Variants in PIK3R6 observed in about 807,000 individuals in gnomAD.
The protein encoded by PIK3R6 is phosphoinositide-3-kinase regulatory subunit 6.
In PIK3R6, 91 loss-of-function variants were observed where a neutral mutation model predicts 84.9. That is an observed-to-expected ratio of 1.07 (90% CI 0.90 to 1.28). The LOEUF is 1.28. PIK3R6 is among the 50% of genes most tolerant of loss of function. The pLI is 0.00. For synonymous variants in PIK3R6, 416 were observed against 411.4 expected, an observed-to-expected ratio of 1.01 and a Z score of -0.13; for missense variants, 996 against 985.1, an observed-to-expected ratio of 1.01 and a Z score of -0.15.
At chr17:8,829,301 C>CAG (rs796162533) in intron 10 of PIK3R6, among the ~76,000 whole-genome samples, 8 of 145,590 alleles carry the variant, frequency 5.5e-5, no homozygotes, top group Admixed American at 4.1e-4. Context: ...TGCATACACA[C>CAG]ACACTGACAC....
At chr17:8,832,642 G>A (rs1194419225) in intron 9 of PIK3R6, among the ~76,000 whole-genome samples, 1 of 151,446 alleles carries the variant, frequency 6.6e-6, no homozygotes, top group African/African-American at 2.4e-5. Context: ...GACCTCAGGT[G>A]ATCCGCCTGC....
chr17:8,854,643 T>C (rs2089077854), intron 1 of PIK3R6, among the ~76,000 whole-genome samples: 2 of 152,164 alleles, frequency 1.3e-5, no homozygotes, highest in Non-Finnish European at 2.9e-5. Flanking sequence ...ATCATCGATA[T>C]GCAAAACAAG....
intron 18 of PIK3R6, among the ~76,000 whole-genome samples, chr17:8,807,422 C>T (rs1171584957): frequency 6.6e-6 from 1 of 152,100 alleles, no homozygotes; most frequent in Non-Finnish European, 1.5e-5. Context: ...ACAAATGTTT[C>T]CATAGCTGTG....
At chr17:8,837,146 A>G (rs1597415306) in intron 5 of PIK3R6, among the ~76,000 whole-genome samples, 1 of 152,110 alleles carries the variant, frequency 6.6e-6, no homozygotes, top group African/African-American at 2.4e-5. Context: ...CCCCGCCCCA[A>G]CTTACCAAGA....
chr17:8,821,496 CTAT>C (rs1380610636), intron 17 of PIK3R6, among the ~76,000 whole-genome samples: 8 of 152,148 alleles, frequency 5.3e-5, no homozygotes, highest in Non-Finnish European at 1.2e-4. Context: ...TTGGCATTTT[CTAT>C]TGTCTCCATT....
Position 8,839,755 on chromosome 17 carries a change from C to T in PIK3R6, c.14-58G>A, listed in dbSNP as rs1299919398. 7.3e-7 allele frequency: 1 copy of T among 1,373,192 alleles called. No individual in the cohort carries two copies. The highest frequency in any genetic ancestry group is 1.0e-6 in the Non-Finnish European group (1 of 995,852). 85.1% of individuals were successfully genotyped at this position (1,373,192 alleles called of 1,614,324 possible). ...TCCACTGAACCTCACCCTCGTCCCA[C>T]CTCCATTCCTTCCGAGAGTGTCTTT... On this transcript the variant is annotated intron_variant, in intron 2 of 19. Transcript: ENST00000619866. The surrounding 1 kb of genome is among the most constrained non-coding windows in gnomAD (Gnocchi z 4.2).
At chr17:8,853,746 G>T (rs999584986) in intron 1 of PIK3R6, among the ~76,000 whole-genome samples, 2 of 151,472 alleles carry the variant, frequency 1.3e-5, no homozygotes, top group East Asian at 3.9e-4. Flanking sequence ...GGCAGGTCAC[G>T]AGGCCAGGAG....
At chr17:8,810,826 TC>T (rs2087336992) in intron 18 of PIK3R6, among the ~76,000 whole-genome samples, 2 of 148,758 alleles carry the variant, frequency 1.3e-5, no homozygotes, top group Non-Finnish European at 2.9e-5. Context: ...TCTGCCTCCC[TC>T]CCAGCTGCTT....
intron 1 of PIK3R6, among the ~76,000 whole-genome samples, chr17:8,863,763 G>C (rs1200527811): frequency 6.6e-6 from 1 of 152,178 alleles, no homozygotes; most frequent in African/African-American, 2.4e-5. Context: ...TCGATCTCCT[G>C]ACCTCGTGAT....
rs764497604 is a variant in PIK3R6, at chr17:8,828,836, C to T, written c.1044G>A (p.Thr348=). 8.1e-6 allele frequency: 13 copies of T among 1,595,994 alleles called. No individual in the cohort carries two copies. The highest frequency in any genetic ancestry group is 2.2e-5 in the East Asian group (1 of 44,636). The change falls in exon 11 of 20, where the codon ACG becomes ACA. Residue 348 remains threonine (T), a synonymous_variant. Transcript: ENST00000619866. The part of the protein sequence containing the change: ...TDSGIERDLP[T]GADELPAPGS... ...CGGGTGCAGGCAGCTCATCAGCCCCCGTGGGAAGGTCCCGCTCAATGCCGC... is the reference window on the plus strand; with the variant it reads ...CGGGTGCAGGCAGCTCATCAGCCCCTGTGGGAAGGTCCCGCTCAATGCCGC...
chr17:8,822,759 A>T lies in PIK3R6; in HGVS notation c.1718-102T>A, dbSNP rs111237332. On this transcript the variant is annotated intron_variant, in intron 15 of 19. Coordinates refer to ENST00000619866, the MANE Select transcript of PIK3R6 (RefSeq NM_001010855.4). ...AGGAGCTGAGCTGCTGGGTTTACCC[A>T]TCCATCCATCTCCCTGGATGGAAAG... 2.4e-5 allele frequency: 29 copies of T among 1,233,166 alleles called. 1 individual carries two copies. The African/African-American group carries it at 2.6e-4, about 11-fold the overall frequency. The allele number at this position is 1,233,166 out of a possible 1,614,324, so 76.4% of individuals were successfully genotyped here.
intron 10 of PIK3R6, 88 bp downstream of exon 10, chr17:8,829,616 ACG>A: frequency 7.7e-7 from 1 of 1,300,926 alleles, no homozygotes; most frequent in Admixed American, 2.1e-5. Context: ...ACACTGACAC[ACG>A]CATGCACACT....
rs1336677152 is a variant in PIK3R6, at chr17:8,842,752, C to G, written c.14-3055G>C. Among the ~76,000 whole-genome samples, 2 of 152,158 alleles carry G rather than the reference C, an allele frequency of 1.3e-5. No homozygotes were observed. Among genetic ancestry groups the G allele is most frequent in the Non-Finnish European group, 2.9e-5 (2 of 68,034 alleles). ...TTACGGTCAAATTGGGGCCCAGCCT[C>G]AAAAATTAGCTCATCTCATGTGACA... On this transcript the variant is annotated intron_variant, in intron 2 of 19. Transcript: ENST00000619866. The surrounding 1 kb of genome is among the most constrained non-coding windows in gnomAD (Gnocchi z 4.5).
chr17:8,803,131 C>T lies in PIK3R6; in HGVS notation c.*142G>A. On this transcript the variant is annotated 3_prime_UTR_variant, in exon 20 of 20. Transcript: ENST00000619866. This position sits in a 1 kb window ranked among gnomAD's most constrained non-coding sequence, Gnocchi z 5.0. The stretch of plus-strand genomic sequence containing the variant: ...TCATCACAGTCCCCAGGGTAGGCTC[C>T]CTGTGCTCCCAGGCACTCGCTGGCT... 6 of 1,079,844 alleles carry T rather than the reference C, an allele frequency of 5.6e-6. No individual in the cohort carries two copies. The highest frequency in any genetic ancestry group is 1.6e-5 in the South Asian group (1 of 64,382). 66.9% of individuals were successfully genotyped at this position (1,079,844 alleles called of 1,614,324 possible).
In PIK3R6 at chr17:8,802,942, A is replaced by G; in HGVS notation, c.*331T>C. 1 of 270,524 alleles carries G rather than the reference A, an allele frequency of 3.7e-6. No homozygotes were observed. Among genetic ancestry groups the G allele is most frequent in the Non-Finnish European group, 7.1e-6 (1 of 140,138 alleles). The allele number at this position is 270,524 out of a possible 1,614,324, so 16.8% of individuals were successfully genotyped here. A position where few individuals can be genotyped will look rare whatever the true frequency, so the allele number is the denominator to read the frequency against. ...GACAGCAGCTTTAACCCTGGTTTTA[A>G]GGGCTGGATGGGGAGCTTGGGTGGG... On this transcript the variant is annotated 3_prime_UTR_variant, in exon 20 of 20. Transcript: ENST00000619866.
chr17:8,808,602 G>A (rs1299659794), intron 18 of PIK3R6, among the ~76,000 whole-genome samples: 2 of 152,206 alleles, frequency 1.3e-5, no homozygotes, highest in African/African-American at 4.8e-5. Context: ...TTGAGTTTGT[G>A]GTATTGTGGG....
At chr17:8,850,757 T>A (rs183860059) in intron 1 of PIK3R6, among the ~76,000 whole-genome samples, 1 of 152,146 alleles carries the variant, frequency 6.6e-6, no homozygotes, top group Non-Finnish European at 1.5e-5. Context: ...TAAAAAGAGA[T>A]AACGAAGAGA....
At chr17:8,860,274 C>T (rs1310581929) in intron 1 of PIK3R6, among the ~76,000 whole-genome samples, 4 of 148,144 alleles carry the variant, frequency 2.7e-5, no homozygotes, top group Non-Finnish European at 5.9e-5. Flanking sequence ...ACCGCCTGAG[C>T]TCCGCCTCCT....
chr17:8,819,058 CT>C, intron 18 of PIK3R6, 24 bp downstream of exon 18: 3 of 1,531,386 alleles, frequency 2.0e-6, no homozygotes, highest in African/African-American at 1.4e-5. Flanking sequence ...GGCTGTCTCC[CT>C]TTCCCAGTCT....
Sources: gnomAD v4.1 joint callset for allele counts (sites outside exome capture counted in the v4.1 genomes callset) on GRCh38, gnomAD v4.1.1 for gene constraint, Gnocchi (gnomAD v3.1) non-coding constraint, MANE v1.5 for transcripts, NCBI Gene and HGNC (gene_info 2026-07-23, HGNC 2026-07-21) for gene names.